POMP: variants seen among roughly 807,000 people sequenced by gnomAD.
The protein encoded by POMP is 2510048O06Rik.
A neutral mutation model predicts 20.6 loss-of-function variants in POMP; 12 were observed. The ratio of observed to expected loss-of-function variants is 0.58; its 90% confidence interval spans 0.37 to 0.94. The LOEUF is 0.94. POMP is among the 40% of genes least tolerant of loss of function. POMP has a pLI of 0.01. For missense variants in POMP, 136 were observed against 161.1 expected, an observed-to-expected ratio of 0.84 and a Z score of 0.84; for synonymous variants, 53 against 55.0, an observed-to-expected ratio of 0.96 and a Z score of 0.16.
At position 28,672,546 on chromosome 13, in the gene POMP, C is replaced by CTTGTG. The variant is rs138391789; in HGVS notation, c.358+116_358+117insGTGTT. ...TGGAACTTACAGCTGATTGGGTTCA[C>CTTGTG]TTTATTCATTGCATTAAGATAAAGT... On this transcript the variant is annotated intron_variant, in intron 5 of 5. Transcript: ENST00000380842. The CTTGTG allele has an allele frequency of 0.013, 10,778 of 805,304 alleles. 724 individuals carry two copies. The African/African-American group carries it at 0.15, about 11-fold the overall frequency. The allele number at this position is 805,304 out of a possible 1,614,324, so 49.9% of individuals were successfully genotyped here. A position where few individuals can be genotyped will look rare whatever the true frequency, so the allele number is the denominator to read the frequency against.
chr13:28,667,532 G>A (rs1884470288), intron 3 of POMP, among the ~76,000 whole-genome samples: 1 of 152,306 alleles, frequency 6.6e-6, no homozygotes, highest in East Asian at 1.9e-4. Context: ...GCTGTGTAAA[G>A]CTAAAGTAAT....
intron 1 of POMP, 150 bp downstream of exon 1, chr13:28,659,337 TC>T: frequency 7.4e-7 from 1 of 1,345,056 alleles, no homozygotes; most frequent in Non-Finnish European, 1.0e-6. Context: ...ATCTGTCGAG[TC>T]ACGGGGTTTG....
chr13:28,662,433 G>A lies in POMP; in HGVS notation c.27G>A (p.Glu9=), dbSNP rs1362368932. 2 of 1,613,612 alleles carry A rather than the reference G, an allele frequency of 1.2e-6. No individual in the cohort carries two copies. Among genetic ancestry groups the A allele is most frequent in the African/African-American group, 2.7e-5 (2 of 74,876 alleles). ...AGAATGCCAGAGGACTTGGATCTGA[G>A]CTAAAGGACAGTATTCCAGTTACTG... is the stretch of plus-strand genomic sequence containing the variant. MNARGLGS[E]LKDSIPVTEL... The change falls in exon 2 of 6, where the codon GAG becomes GAA. Residue 9 remains glutamate, a synonymous_variant. Coordinates refer to ENST00000380842, the MANE Select transcript of POMP (RefSeq NM_015932.6).
rs767631653 is a variant in POMP at position 28,662,518 on chromosome 13, G to T, written c.101+11G>T. On this transcript the variant is annotated intron_variant, in intron 2 of 5. Transcript: ENST00000380842. Reference sequence around the variant, plus strand: ...TCTTCTTCGGAAAGGGTATATGGGGGAGTTATGACTTTGATTTTGTTATGT... The same window carrying T: ...TCTTCTTCGGAAAGGGTATATGGGGTAGTTATGACTTTGATTTTGTTATGT... The T allele has an allele frequency of 6.3e-7, 1 of 1,582,190 alleles. No individual in the cohort carries two copies. Among genetic ancestry groups the T allele is most frequent in the South Asian group, 1.1e-5 (1 of 90,372 alleles).
intron 5 of POMP, 152 bp downstream of exon 5, chr13:28,672,584 A>T: frequency 1.4e-6 from 1 of 708,450 alleles, no homozygotes. Flanking sequence ...AATGGTAGTA[A>T]CTGTTCTTTA....
At chr13:28,669,065 G>T (rs1474665048) in intron 4 of POMP, among the ~76,000 whole-genome samples, 1 of 151,810 alleles carries the variant, frequency 6.6e-6, no homozygotes, top group African/African-American at 2.4e-5. Context: ...CTCTCTGCTT[G>T]CTCTGTCTCA....
intron 5 of POMP, 86 bp from the exon 6 acceptor site, chr13:28,677,949 T>G: frequency 7.2e-7 from 1 of 1,385,402 alleles, no homozygotes; most frequent in African/African-American, 1.4e-5. Context: ...TAGTTTTGAC[T>G]CTTCTGGATT....
intron 5 of POMP, among the ~76,000 whole-genome samples, chr13:28,674,071 C>A (rs1285057152): frequency 6.6e-6 from 1 of 152,150 alleles, no homozygotes; most frequent in Non-Finnish European, 1.5e-5. Context: ...GTATTTCAGA[C>A]AGAAGAGATG....
chr13:28,664,593 T>A, intron 3 of POMP, 24 bp downstream of exon 3: 1 of 1,306,576 alleles, frequency 7.7e-7, no homozygotes, highest in South Asian at 1.3e-5. Context: ...TATGTCCTTA[T>A]TTTTATCTTC....
chr13:28,672,541 G>A, intron 5 of POMP, 109 bp downstream of exon 5: 1 of 830,674 alleles, frequency 1.2e-6, no homozygotes, highest in Non-Finnish European at 2.1e-6. Flanking sequence ...AGCTGATTGG[G>A]TTCACTTTAT....
Position 28,672,300 on chromosome 13 carries a change from G to C in POMP, c.265-39G>C, listed in dbSNP as rs192335090. On this transcript the variant is annotated intron_variant, in intron 4 of 5. Transcript: ENST00000380842. ...TATATATTCTGTCATTTTCCCCTGA[G>C]TTTTTTCTAATCTTGTCCCTTCATA... 3.7e-4 allele frequency: 535 copies of C among 1,465,246 alleles called. 3 individuals are homozygous for C. The East Asian group carries it at 8.6e-3, about 24-fold the overall frequency. The allele number at this position is 1,465,246 out of a possible 1,614,324, so 90.8% of individuals were successfully genotyped here.
chr13:28,673,297 C>G (rs1263158587), intron 5 of POMP, among the ~76,000 whole-genome samples: 2 of 152,266 alleles, frequency 1.3e-5, no homozygotes, highest in African/African-American at 2.4e-5. Flanking sequence ...TCTCGAACTC[C>G]TGACCTTGTG....
In POMP at chr13:28,678,292, T is replaced by C; in HGVS notation, c.*190T>C. ...GACAATTAAAAGCACTAAAGGGAGA[T>C]CATGTTAAAGCTCTTAATTTATATT... On this transcript the variant is annotated 3_prime_UTR_variant, in exon 6 of 6. Transcript: ENST00000380842. The C allele has an allele frequency of 1.6e-6, 1 of 622,058 alleles. No individual in the cohort carries two copies. Among genetic ancestry groups the C allele is most frequent in the Non-Finnish European group, 2.9e-6 (1 of 346,612 alleles). The allele number at this position is 622,058 out of a possible 1,614,324, so 38.5% of individuals were successfully genotyped here.
chr13:28,674,629 G>A (rs1884599578), intron 5 of POMP, among the ~76,000 whole-genome samples: 1 of 152,214 alleles, frequency 6.6e-6, no homozygotes, highest in Admixed American at 6.5e-5. Flanking sequence ...GCAAGGAACA[G>A]ATGAATCAGG....
chr13:28,676,971 T>G (rs1411158838), intron 5 of POMP, among the ~76,000 whole-genome samples: 1 of 152,202 alleles, frequency 6.6e-6, no homozygotes, highest in Non-Finnish European at 1.5e-5. Flanking sequence ...ATTTAATAAA[T>G]GCATTTTATT....
chr13:28,675,192 G>C (rs1295153754), intron 5 of POMP, among the ~76,000 whole-genome samples: 1 of 151,606 alleles, frequency 6.6e-6, no homozygotes. Flanking sequence ...CCAGGCTGGA[G>C]TGCAGTGGCG....
intron 4 of POMP, among the ~76,000 whole-genome samples, chr13:28,669,386 A>AT (rs1485179726): frequency 6.6e-6 from 1 of 151,610 alleles, no homozygotes; most frequent in Non-Finnish European, 1.5e-5. Context: ...CTTTGTATTT[A>AT]TTTTTTTGAT....
At chr13:28,660,461 G>C (rs1461132687) in intron 1 of POMP, among the ~76,000 whole-genome samples, 2 of 152,220 alleles carry the variant, frequency 1.3e-5, no homozygotes. Flanking sequence ...CACATTTAAG[G>C]TAGGCTAGGC....
chr13:28,662,384 A>T, intron 1 of POMP, 26 bp from the exon 2 acceptor site: 1 of 1,558,014 alleles, frequency 6.4e-7, no homozygotes, highest in Non-Finnish European at 8.9e-7. Context: ...TTTTCTATTT[A>T]ATAATGTTTT....
Sources: allele counts gnomAD v4.1 joint callset (sites outside exome capture counted in the v4.1 genomes callset), GRCh38; gene constraint gnomAD v4.1.1; transcripts MANE v1.5; gene names NCBI Gene and HGNC (gene_info 2026-07-23, HGNC 2026-07-21).